The following RPTOR variants were observed in gnomAD, a reference collection of about 807,000 sequenced individuals.
RPTOR encodes the protein regulatory associated protein of MTOR complex 1.
RPTOR carries 21 observed loss-of-function variants against 169.9 expected under a neutral mutation model. That is an observed-to-expected ratio of 0.12 (90% CI 0.09 to 0.18). The LOEUF (loss-of-function observed/expected upper bound fraction) is 0.18, where lower values mean the gene tolerates loss of function less well. Ranked by LOEUF, RPTOR falls within the 10% of genes least tolerant of loss-of-function variation. The pLI, the probability that RPTOR is intolerant of heterozygous loss-of-function variation, is 1.00. For synonymous variants in RPTOR, 732 were observed against 753.2 expected (o/e 0.97, Z 0.46); for missense variants, 1,133 against 1,855.9 (o/e 0.61, Z 7.16).
chr17:80,806,015 A>G (rs1318277235), intron 7 of RPTOR, among the ~76,000 whole-genome samples: 1 of 152,246 alleles, frequency 6.6e-6, no homozygotes, highest in Non-Finnish European at 1.5e-5. Context: ...ACGGAAGGAC[A>G]GGATCCAAAG....
intron 13 of RPTOR, among the ~76,000 whole-genome samples, chr17:80,864,130 C>T (rs998165383): frequency 1.4e-4 from 22 of 152,166 alleles, no homozygotes; most frequent in Non-Finnish European, 1.0e-4. Flanking sequence ...AATTATAAAC[C>T]CACAGATCCA....
chr17:80,928,292 G>A (rs1299460349), intron 24 of RPTOR, among the ~76,000 whole-genome samples: 2 of 152,094 alleles, frequency 1.3e-5, no homozygotes, highest in South Asian at 2.1e-4. Flanking sequence ...ATTCATAAAG[G>A]TATTCTTTTA....
rs528322746 is a variant in RPTOR at position 80,905,457 on chromosome 17, G to T, written c.2402-3354G>T. ...AAAAAAAAAAAAAAATTAGCTGGGC[G>T]TGGTGGTGGGCACCTGTAGTCCCAG... On this transcript the variant is annotated intron_variant, in intron 20 of 33. Transcript: ENST00000306801. Among the ~76,000 whole-genome samples the T allele has an allele frequency of 5.9e-5, 9 of 151,382 alleles. No individual in the cohort carries two copies. In the South Asian group the frequency reaches 1.9e-3, roughly 32 times the overall value.
rs1190392415 is a variant in RPTOR, at chr17:80,856,764, A to G, written c.1399-1026A>G. 2.6e-5 allele frequency among the ~76,000 whole-genome samples: 4 copies of G among 152,220 alleles called. No homozygotes were observed. The East Asian group carries it at 7.7e-4, about 29-fold the overall frequency. The stretch of plus-strand genomic sequence containing the variant: ...AAGCATGTATTCATAACAGTTTAGA[A>G]AGAGTTTCATTTTTAAGGTTAATTT... On this transcript the variant is annotated intron_variant, in intron 12 of 33. Coordinates refer to ENST00000306801, the MANE Select transcript of RPTOR (RefSeq NM_020761.3).
chr17:80,744,333 A>G (rs1386536035), intron 5 of RPTOR, among the ~76,000 whole-genome samples: 2 of 124,104 alleles, frequency 1.6e-5, no homozygotes, highest in South Asian at 2.4e-4. Context: ...AGCCCTGGCT[A>G]CTAGCACAGC....
At chr17:80,699,342 C>T (rs1205615310) in intron 3 of RPTOR, among the ~76,000 whole-genome samples, 4 of 151,452 alleles carry the variant, frequency 2.6e-5, no homozygotes, top group Non-Finnish European at 4.4e-5. Context: ...GTGCACAGTA[C>T]CCTGGTGCAG....
At chr17:80,838,843 C>G (rs1337203314) in intron 10 of RPTOR, among the ~76,000 whole-genome samples, 1 of 152,162 alleles carries the variant, frequency 6.6e-6, no homozygotes, top group Non-Finnish European at 1.5e-5. Flanking sequence ...TGGTCGTCTC[C>G]TCATTTAAGG....
chr17:80,764,485 A>G (rs1490676571), intron 6 of RPTOR, among the ~76,000 whole-genome samples: 2 of 151,960 alleles, frequency 1.3e-5, no homozygotes, highest in African/African-American at 2.4e-5. Context: ...TACAAAGGAC[A>G]TGAACTCATC....
At chr17:80,764,181 A>T (rs1395908534) in intron 6 of RPTOR, among the ~76,000 whole-genome samples, 1 of 140,716 alleles carries the variant, frequency 7.1e-6, no homozygotes, top group African/African-American at 2.6e-5. Context: ...TTTTATTATT[A>T]TACTTTTAAG....
intron 30 of RPTOR, 66 bp from the exon 31 acceptor site, chr17:80,961,328 A>T: frequency 6.9e-7 from 1 of 1,448,888 alleles, no homozygotes; most frequent in Non-Finnish European, 9.3e-7. Flanking sequence ...GCTCCCGGTG[A>T]GAGCCCCGAA....
chr17:80,855,405 T>G (rs2143743829), intron 11 of RPTOR, 59 bp from the exon 12 acceptor site: 1 of 1,295,680 alleles, frequency 7.7e-7, no homozygotes, highest in Non-Finnish European at 1.1e-6. Context: ...TGCAGCAGCG[T>G]TTCGGGGTTG....
intron 1 of RPTOR, among the ~76,000 whole-genome samples, chr17:80,583,196 T>TTGTTTGTTTTTG (rs71163972): frequency 7.3e-6 from 1 of 137,374 alleles, no homozygotes; most frequent in Non-Finnish European, 1.6e-5. Context: ...TTTTTTTTTT[T>TTGTTTGTTTTTG]TTTTTTTTTT....
At chr17:80,889,052 G>A (rs1371460432) in intron 17 of RPTOR, among the ~76,000 whole-genome samples, 2 of 152,218 alleles carry the variant, frequency 1.3e-5, no homozygotes, top group Non-Finnish European at 2.9e-5. Context: ...GGGTTTGGGG[G>A]CAGGACCTCA....
rs1424989082 is a variant in RPTOR, at chr17:80,598,728, A to G, written c.163-26963A>G. Among the ~76,000 whole-genome samples the G allele has an allele frequency of 2.0e-5, 3 of 152,146 alleles. No individual in the cohort carries two copies. In the East Asian group the frequency reaches 5.8e-4, roughly 29 times the overall value. On this transcript the variant is annotated intron_variant, in intron 1 of 33. Transcript: ENST00000306801. ...TGGAATCTGTGTTTTCCCTGCATGG[A>G]GCAGTGAATGGGGATGTGAAAGGCA...
At chr17:80,732,431 G>A (rs1158847925) in intron 5 of RPTOR, among the ~76,000 whole-genome samples, 1 of 152,114 alleles carries the variant, frequency 6.6e-6, no homozygotes, top group African/African-American at 2.4e-5. Context: ...TCTGTGTGTT[G>A]CCAGGGATTA....
intron 6 of RPTOR, among the ~76,000 whole-genome samples, chr17:80,768,020 T>C (rs1169125289): frequency 6.6e-6 from 1 of 152,108 alleles, no homozygotes; most frequent in Non-Finnish European, 1.5e-5. Context: ...CGTAACACCA[T>C]GCCTGGCTAA....
At chr17:80,677,555 A>G (rs1342451253) in intron 3 of RPTOR, among the ~76,000 whole-genome samples, 1 of 151,594 alleles carries the variant, frequency 6.6e-6, no homozygotes, top group Non-Finnish European at 1.5e-5. Context: ...ACCTCCCACC[A>G]GACTCCAGCC....
chr17:80,772,923 G>T (rs2066858980), intron 6 of RPTOR, among the ~76,000 whole-genome samples: 1 of 152,286 alleles, frequency 6.6e-6, no homozygotes, highest in African/African-American at 2.4e-5. Flanking sequence ...CAGAGCCAGG[G>T]CTACGATTTG....
chr17:80,634,325 A>AC (rs1567830581), intron 2 of RPTOR, among the ~76,000 whole-genome samples: 125 of 18,206 alleles, frequency 6.9e-3, no homozygotes, highest in Non-Finnish European at 0.011. Context: ...TGTGCGTACT[A>AC]TGTGCGTGTG....
Sources: gnomAD v4.1 joint callset for allele counts (sites outside exome capture counted in the v4.1 genomes callset) on GRCh38, gnomAD v4.1.1 for gene constraint, MANE v1.5 for transcripts, NCBI Gene and HGNC (gene_info 2026-07-23, HGNC 2026-07-21) for gene names.